The following REV3L variants were observed in gnomAD, a reference collection of about 807,000 sequenced individuals.
REV3L encodes the protein DNA polymerase zeta catalytic subunit.
Under a neutral mutation model 299.4 loss-of-function variants are expected in REV3L, and 69 were observed. The ratio of observed to expected loss-of-function variants is 0.23; its 90% confidence interval spans 0.19 to 0.28. The LOEUF is 0.28. Ranked by LOEUF, REV3L falls within the 10% of genes least tolerant of loss-of-function variation. The pLI, the probability that REV3L is intolerant of heterozygous loss-of-function variation, is 1.00. For synonymous variants in REV3L, 1,238 were observed against 1,271.4 expected (o/e 0.97, Z 0.56); for missense variants, 3,128 against 3,693.8 (o/e 0.85, Z 3.97).
chr6:111,429,813 C>T (rs1326840235), intron 1 of REV3L, among the ~76,000 whole-genome samples: 4 of 152,078 alleles, frequency 2.6e-5, no homozygotes, highest in Non-Finnish European at 4.4e-5. Context: ...GGGGCCCGGT[C>T]GGACATGGAC....
At chr6:111,345,320 T>C (rs1776915934) in intron 20 of REV3L, among the ~76,000 whole-genome samples, 1 of 152,180 alleles carries the variant, frequency 6.6e-6, no homozygotes. Context: ...GAAAGCCTAA[T>C]ATGGAGACAG....
intron 22 of REV3L, among the ~76,000 whole-genome samples, chr6:111,335,013 A>G (rs1386783798): frequency 6.6e-6 from 1 of 152,150 alleles, no homozygotes; most frequent in East Asian, 1.9e-4. Flanking sequence ...TCCTTGGGAA[A>G]TTACTTAGAT....
At chr6:111,479,353 TA>T (rs527480875) in intron 1 of REV3L, among the ~76,000 whole-genome samples, 2 of 152,108 alleles carry the variant, frequency 1.3e-5, no homozygotes, top group South Asian at 2.1e-4. Context: ...AAAAACTAGT[TA>T]AAAAAATGGA....
At chr6:111,326,943 T>G (rs1021112533) in intron 25 of REV3L, among the ~76,000 whole-genome samples, 3 of 152,200 alleles carry the variant, frequency 2.0e-5, no homozygotes, top group Admixed American at 2.0e-4. Flanking sequence ...AACATTGTAC[T>G]GTTGCGAAGT....
At chr6:111,343,070 G>A (rs1776683533) in intron 21 of REV3L, among the ~76,000 whole-genome samples, 1 of 152,178 alleles carries the variant, frequency 6.6e-6, no homozygotes, top group Non-Finnish European at 1.5e-5. Context: ...ATATGACCCA[G>A]TAATTCTACT....
intron 1 of REV3L, among the ~76,000 whole-genome samples, chr6:111,454,374 T>G (rs1380565700): frequency 6.8e-6 from 1 of 147,336 alleles, no homozygotes; most frequent in South Asian, 2.1e-4. Flanking sequence ...CCTTCATGAA[T>G]TTTTTTTTTT....
intron 17 of REV3L, 138 bp downstream of exon 17, chr6:111,358,684 T>C: frequency 1.7e-6 from 1 of 595,668 alleles, no homozygotes; most frequent in Non-Finnish European, 2.8e-6. Context: ...TTATACACAA[T>C]CTCCTACCCC....
At chr6:111,392,148 G>A (rs1781999091) in intron 5 of REV3L, among the ~76,000 whole-genome samples, 1 of 152,198 alleles carries the variant, frequency 6.6e-6, no homozygotes, top group African/African-American at 2.4e-5. Flanking sequence ...TATTCCCGAA[G>A]TAGCACATTT....
chr6:111,481,721 T>C (rs1793685650), intron 1 of REV3L, among the ~76,000 whole-genome samples: 1 of 152,188 alleles, frequency 6.6e-6, no homozygotes, highest in Non-Finnish European at 1.5e-5. Flanking sequence ...CATTATTTCC[T>C]AGAACTCCAT....
intron 3 of REV3L, among the ~76,000 whole-genome samples, chr6:111,406,610 TGAAGGGTGAGACA>T (rs530633429): frequency 2.1e-3 from 316 of 152,108 alleles, no homozygotes; most frequent in Non-Finnish European, 3.8e-3. Flanking sequence ...TAACTAGATG[TGAAGGGTGAGACA>T]GAAAAGGGGC....
intron 1 of REV3L, among the ~76,000 whole-genome samples, chr6:111,463,845 G>C (rs543481848): frequency 4.6e-5 from 7 of 152,096 alleles, no homozygotes; most frequent in African/African-American, 1.7e-4. Flanking sequence ...CTCTACCTTG[G>C]GGACACGGTC....
rs569700263 is a variant in REV3L, at chr6:111,411,575, T to A, written c.330-21A>T. The A allele has an allele frequency of 3.0e-4, 420 of 1,408,802 alleles. 1 individual carries two copies. The African/African-American group carries it at 4.3e-3, about 15-fold the overall frequency. The allele number at this position is 1,408,802 out of a possible 1,614,324, so 87.3% of individuals were successfully genotyped here. A position where few individuals can be genotyped will look rare whatever the true frequency, so the allele number is the denominator to read the frequency against. On this transcript the variant is annotated intron_variant, in intron 2 of 31. Coordinates refer to ENST00000368802, the MANE Select transcript of REV3L (RefSeq NM_001372078.1). ...AAGGCCTGAAATATAAGAAAAAAAA[T>A]TTCAAATTATTTTCATAATTCAGAG...
chr6:111,482,911 T>TC lies in REV3L; in HGVS notation c.-24dup. 1 of 1,506,218 alleles carries TC rather than the reference T, an allele frequency of 6.6e-7. No homozygotes were observed. The highest frequency in any genetic ancestry group is 8.8e-7 in the Non-Finnish European group (1 of 1,137,828). 93.3% of individuals were successfully genotyped at this position (1,506,218 alleles called of 1,614,324 possible). A position where few individuals can be genotyped will look rare whatever the true frequency, so the allele number is the denominator to read the frequency against. On this transcript the variant is annotated 5_prime_UTR_variant, in exon 1 of 32. Coordinates refer to ENST00000368802, the MANE Select transcript of REV3L (RefSeq NM_001372078.1). Reference sequence around the variant, plus strand: ...CATGTTCGCCGCCGCCGCCACTGCCTCCCTTCACTGGCGACCCGGCAGCGG... The same window carrying TC: ...CATGTTCGCCGCCGCCGCCACTGCCTCCCCTTCACTGGCGACCCGGCAGCGG...
Position 111,373,628 on chromosome 6 carries a change from G to T in REV3L, c.4727C>A (p.Ser1576Ter). ...EHNKANKRTRSVTSPRKPRTP... is the reference protein window; with the variant it reads ...EHNKANKRTR ...TCGAGGTTTTCTTGGGGACGTTACC[G>T]ATCGTGTCCGTTTATTTGCTTTGTT... The change falls in exon 13 of 32, where the codon TCG becomes TAG. Residue 1576 changes from serine (S) to a stop codon, truncating the protein, a stop_gained. Coordinates refer to ENST00000368802, the MANE Select transcript of REV3L (RefSeq NM_001372078.1). LOFTEE classifies it high-confidence loss of function. 6.2e-7 allele frequency: 1 copy of T among 1,614,054 alleles called. No homozygotes were observed. Among genetic ancestry groups the T allele is most frequent in the Non-Finnish European group, 8.5e-7 (1 of 1,179,986 alleles).
At chr6:111,340,676 C>T (rs2064586) in intron 21 of REV3L, among the ~76,000 whole-genome samples, 5,449 of 152,058 alleles carry the variant, frequency 0.036, 324 homozygotes, top group African/African-American at 0.12. Flanking sequence ...GTAAGTCAGA[C>T]TTATTTTTTT....
chr6:111,438,321 C>T (rs1426398805), intron 1 of REV3L, among the ~76,000 whole-genome samples: 1 of 151,804 alleles, frequency 6.6e-6, no homozygotes, highest in South Asian at 2.1e-4. Flanking sequence ...TATGAATATA[C>T]AGAAATATAA....
intron 13 of REV3L, among the ~76,000 whole-genome samples, chr6:111,370,799 C>A (rs1308386738): frequency 6.6e-6 from 1 of 152,042 alleles, no homozygotes; most frequent in East Asian, 1.9e-4. Context: ...ACATACATGG[C>A]CTCCCTCATT....
At chr6:111,423,869 G>A (rs945619154) in intron 1 of REV3L, among the ~76,000 whole-genome samples, 7 of 152,108 alleles carry the variant, frequency 4.6e-5, no homozygotes, top group African/African-American at 1.7e-4. Flanking sequence ...GTCACTCAAA[G>A]AAAACTGTAA....
At chr6:111,317,596 AT>A (rs2114756501) in intron 26 of REV3L, among the ~76,000 whole-genome samples, 1 of 152,124 alleles carries the variant, frequency 6.6e-6, no homozygotes, top group South Asian at 2.1e-4. Context: ...CTTCACAATA[AT>A]TTTTCAGTCT....
Sources: gnomAD v4.1 joint callset for allele counts (sites outside exome capture counted in the v4.1 genomes callset) on GRCh38, gnomAD v4.1.1 for gene constraint, MANE v1.5 for transcripts, NCBI Gene and HGNC (gene_info 2026-07-23, HGNC 2026-07-21) for gene names.